SUGCT: variants seen among roughly 807,000 people sequenced by gnomAD.
The protein encoded by SUGCT is succinyl-CoA:glutarate-CoA transferase.
SUGCT carries 41 observed loss-of-function variants against 55.0 expected under a neutral mutation model. The ratio of observed to expected loss-of-function variants is 0.74; its 90% CI spans 0.58 to 0.97. The LOEUF (loss-of-function observed/expected upper bound fraction) is 0.97. Among genes scored for constraint, SUGCT ranks in the 50% least tolerant of loss-of-function variants. The pLI is 0.00. For synonymous variants in SUGCT, 187 were observed against 200.4 expected (o/e 0.93, Z 0.56); for missense variants, 568 against 547.8 (o/e 1.04, Z -0.37).
the SUGCT span, among the ~76,000 whole-genome samples, chr7:41,034,686 ATTC>A: frequency 4.3e-3 from 658 of 152,304 alleles, 4 homozygotes; most frequent in African/African-American, 0.014. Flanking sequence ...CAGCAGCCAC[ATTC>A]TTCTTCTGCG....
intron 12 of SUGCT, among the ~76,000 whole-genome samples, chr7:40,719,006 T>C (rs1270798299): frequency 3.3e-5 from 5 of 152,254 alleles, no homozygotes; most frequent in African/African-American, 1.2e-4. Context: ...ATTCCTAAAA[T>C]ACAAATTTCA....
chr7:40,839,265 C>T (rs1253744663), intron 13 of SUGCT, among the ~76,000 whole-genome samples: 1 of 152,022 alleles, frequency 6.6e-6, no homozygotes, highest in Non-Finnish European at 1.5e-5. Flanking sequence ...TTTTTAGAGA[C>T]AGGATCTTGC....
At chr7:40,657,660 A>C (rs944101811) in intron 12 of SUGCT, among the ~76,000 whole-genome samples, 1 of 151,776 alleles carries the variant, frequency 6.6e-6, no homozygotes, top group Admixed American at 6.6e-5. Context: ...TCAGCCTCCC[A>C]AGTAGCTGGG....
chr7:40,586,725 C>T (rs1032761466), intron 12 of SUGCT, among the ~76,000 whole-genome samples: 3 of 152,102 alleles, frequency 2.0e-5, no homozygotes, highest in Admixed American at 6.5e-5. Flanking sequence ...TACTCTAACT[C>T]GAAGAATATA....
intron 12 of SUGCT, among the ~76,000 whole-genome samples, chr7:40,719,378 A>T (rs989215577): frequency 2.6e-5 from 4 of 152,144 alleles, no homozygotes; most frequent in African/African-American, 7.2e-5. Context: ...TATGCATCAC[A>T]TCAGCTTTCC....
the SUGCT span, among the ~76,000 whole-genome samples, chr7:40,952,103 T>G: frequency 6.6e-6 from 1 of 152,176 alleles, no homozygotes; most frequent in East Asian, 1.9e-4. Flanking sequence ...TCTTTGTAGG[T>G]CTCTAAGGAC....
At chr7:40,423,625 GA>G (rs532800344) in intron 9 of SUGCT, among the ~76,000 whole-genome samples, 2 of 151,678 alleles carry the variant, frequency 1.3e-5, no homozygotes, top group East Asian at 3.9e-4. Context: ...TTAACCTACT[GA>G]AAAAAAAGTA....
chr7:40,926,368 A>T, the SUGCT span, among the ~76,000 whole-genome samples: 1 of 152,074 alleles, frequency 6.6e-6, no homozygotes, highest in South Asian at 2.1e-4. Context: ...TTCTTCCTTA[A>T]TGGAGAAATG....
intron 12 of SUGCT, among the ~76,000 whole-genome samples, chr7:40,557,771 T>TAAAAAAA (rs34029032): frequency 6.0e-5 from 7 of 115,780 alleles, no homozygotes; most frequent in Admixed American, 9.5e-5. Flanking sequence ...AGACTCTGTC[T>TAAAAAAA]AAAAAAAAAA....
intron 9 of SUGCT, among the ~76,000 whole-genome samples, chr7:40,408,744 A>C (rs1420027976): frequency 6.6e-6 from 1 of 152,172 alleles, no homozygotes; most frequent in Non-Finnish European, 1.5e-5. Context: ...AAAATACCAA[A>C]ATGACAGGGA....
intron 9 of SUGCT, among the ~76,000 whole-genome samples, chr7:40,364,640 G>T (rs1013553150): frequency 3.9e-5 from 6 of 152,064 alleles, no homozygotes; most frequent in Non-Finnish European, 8.8e-5. Flanking sequence ...TTGAATATTG[G>T]CTCCCACTCT....
intron 7 of SUGCT, among the ~76,000 whole-genome samples, chr7:40,246,408 C>T (rs1352433718): frequency 1.3e-5 from 2 of 151,996 alleles, no homozygotes; most frequent in African/African-American, 4.8e-5. Context: ...TGCCATGACA[C>T]CTGGCTGATT....
At chr7:41,002,317 G>A in the SUGCT span, among the ~76,000 whole-genome samples, 1 of 152,134 alleles carries the variant, frequency 6.6e-6, no homozygotes, top group Non-Finnish European at 1.5e-5. Context: ...CACTGTGCCC[G>A]GTGGAGAATG....
chr7:40,439,370 A>G (rs1164155648), intron 9 of SUGCT, among the ~76,000 whole-genome samples: 2 of 151,574 alleles, frequency 1.3e-5, no homozygotes, highest in African/African-American at 2.4e-5. Flanking sequence ...ATAATCTCCT[A>G]TCTTTACCAC....
At chr7:40,651,702 A>G (rs1310882032) in intron 12 of SUGCT, among the ~76,000 whole-genome samples, 4 of 152,062 alleles carry the variant, frequency 2.6e-5, no homozygotes, top group African/African-American at 9.7e-5. Flanking sequence ...TTCTTCAGAA[A>G]CATCATTCAG....
chr7:40,593,492 G>GA (rs1379354978), intron 12 of SUGCT, among the ~76,000 whole-genome samples: 1 of 152,094 alleles, frequency 6.6e-6, no homozygotes. Flanking sequence ...GAAAGTTTGA[G>GA]AACACTCTAA....
At chr7:40,437,048 C>G (rs923045985) in intron 9 of SUGCT, among the ~76,000 whole-genome samples, 1 of 152,160 alleles carries the variant, frequency 6.6e-6, no homozygotes, top group Admixed American at 6.6e-5. Flanking sequence ...GGAAGAAAAA[C>G]TCTGTGTCAT....
At chr7:40,986,985 C>T in the SUGCT span, among the ~76,000 whole-genome samples, 3 of 152,096 alleles carry the variant, frequency 2.0e-5, no homozygotes, top group Non-Finnish European at 2.9e-5. Context: ...TCTGTATATT[C>T]TATGTTTTTC....
intron 5 of SUGCT, among the ~76,000 whole-genome samples, chr7:40,192,151 C>CTCCATTT (rs1486436942): frequency 6.7e-6 from 1 of 149,612 alleles, no homozygotes; most frequent in East Asian, 2.0e-4. Flanking sequence ...AATAACCCCT[C>CTCCATTT]TCCATTTAGG....
Sources: allele counts gnomAD v4.1 joint callset (sites outside exome capture counted in the v4.1 genomes callset), GRCh38; gene constraint gnomAD v4.1.1; transcripts MANE v1.5; gene names NCBI Gene and HGNC (gene_info 2026-07-23, HGNC 2026-07-21).